Variants in KCTD19 observed in about 807,000 individuals in gnomAD.
KCTD19 encodes potassium channel tetramerization domain containing 19, also known as BTB/POZ domain-containing protein KCTD19.
KCTD19 carries 67 observed loss-of-function variants against 103.5 expected under a neutral mutation model. That is an observed-to-expected ratio of 0.65 (90% CI 0.53 to 0.79). The LOEUF (loss-of-function observed/expected upper bound fraction) is 0.79. KCTD19 is among the 30% of genes least tolerant of loss of function. The pLI, the probability that KCTD19 is intolerant of heterozygous loss-of-function variation, is 0.00. For missense variants in KCTD19, 980 were observed against 1,136.1 expected (o/e 0.86, Z 1.98); for synonymous variants, 439 against 452.2 (o/e 0.97, Z 0.37).
chr16:67,308,201 C>T (rs192584838), intron 2 of KCTD19, among the ~76,000 whole-genome samples: 3 of 144,950 alleles, frequency 2.1e-5, no homozygotes, highest in South Asian at 2.2e-4. Flanking sequence ...CTTGCTGTGT[C>T]GCCCAAGCTG....
chr16:67,326,679 C>T (rs1459345053), intron 1 of KCTD19, 26 bp downstream of exon 1: 4 of 1,578,116 alleles, frequency 2.5e-6, no homozygotes, highest in African/African-American at 1.4e-5. Context: ...GTGCTTTTGG[C>T]GCCCCCGCCA....
intron 2 of KCTD19, among the ~76,000 whole-genome samples, chr16:67,314,816 TATATATATATATATAGAGAGAGAGAGAG>T (rs2036986749): frequency 1.9e-5 from 2 of 103,758 alleles, no homozygotes; most frequent in Non-Finnish European, 3.6e-5. Context: ...TATATATATA[TATATATATATATATAGAGAGAGAGAGAG>T]AGAGAGAGAG....
chr16:67,304,097 A>T (rs2036865555), intron 3 of KCTD19, among the ~76,000 whole-genome samples: 2 of 152,182 alleles, frequency 1.3e-5, no homozygotes, highest in Admixed American at 1.3e-4. Context: ...GACAGTGATT[A>T]TTTAGGGACA....
At chr16:67,311,378 C>T (rs1031737268) in intron 2 of KCTD19, among the ~76,000 whole-genome samples, 2 of 152,056 alleles carry the variant, frequency 1.3e-5, no homozygotes, top group African/African-American at 4.8e-5. Context: ...CCTTGTCTCA[C>T]TGCAACCTCC....
intron 2 of KCTD19, among the ~76,000 whole-genome samples, chr16:67,319,787 CTT>C (rs973963129): frequency 2.0e-5 from 3 of 149,886 alleles, no homozygotes; most frequent in African/African-American, 7.3e-5. Flanking sequence ...TTTTCTCTCT[CTT>C]GACATTTGGC....
At chr16:67,291,233 C>T in intron 14 of KCTD19, 76 bp downstream of exon 14, 1 of 1,537,140 alleles carries the variant, frequency 6.5e-7, no homozygotes, top group South Asian at 1.2e-5. Context: ...TCTTGCCTTG[C>T]ACCACTTATT....
At chr16:67,304,944 G>A (rs537072213) in intron 2 of KCTD19, among the ~76,000 whole-genome samples, 3 of 152,066 alleles carry the variant, frequency 2.0e-5, no homozygotes, top group Non-Finnish European at 2.9e-5. Context: ...TTGAGATTAC[G>A]GGCATGAACC....
intron 4 of KCTD19, 110 bp from the exon 5 acceptor site, chr16:67,302,032 G>T: frequency 2.0e-6 from 2 of 984,440 alleles, no homozygotes; most frequent in Non-Finnish European, 3.1e-6. Context: ...GGTTCTCCTT[G>T]TTCTGAAACA....
In KCTD19 at chr16:67,299,545, G is replaced by T. The variant is rs1419408325; in HGVS notation, c.804C>A (p.Pro268=). The T allele has an allele frequency of 3.1e-6, 5 of 1,613,608 alleles. No individual in the cohort carries two copies. Among genetic ancestry groups the T allele is most frequent in the Non-Finnish European group, 4.2e-6 (5 of 1,179,968 alleles). The part of the protein sequence containing the change: ...MGGCSPTTCS[P]LSPGKGARTA... ...TGCGGGCCCCCTTCCCGGGGCTCAG[G>T]GGAGAACAGGTGGTCGGGGAACAGC... is the stretch of plus-strand genomic sequence containing the variant. The change falls in exon 6 of 16, where the codon CCC becomes CCA. Residue 268 remains proline (P), a synonymous_variant. Transcript: ENST00000304372.
At chr16:67,312,707 G>A (rs534582074) in intron 2 of KCTD19, among the ~76,000 whole-genome samples, 1 of 152,282 alleles carries the variant, frequency 6.6e-6, no homozygotes, top group South Asian at 2.1e-4. Context: ...GCTCAGGAGA[G>A]AAACAAAGGA....
chr16:67,318,804 G>A (rs1368002192), intron 2 of KCTD19, among the ~76,000 whole-genome samples: 1 of 151,864 alleles, frequency 6.6e-6, no homozygotes, highest in Non-Finnish European at 1.5e-5. Flanking sequence ...GGCCATTTAA[G>A]TGGTTTTGAA....
intron 7 of KCTD19, among the ~76,000 whole-genome samples, 161 bp downstream of exon 7, chr16:67,297,315 GTGGGCTTGGAGGTGAGGAGGGAGCACT>G (rs2036775944): frequency 6.6e-6 from 1 of 152,168 alleles, no homozygotes; most frequent in African/African-American, 2.4e-5. Flanking sequence ...GAGACGAATT[GTGGGCTTGGAGGTGAGGAGGGAGCACT>G]TAATATGAAA....
At chr16:67,297,482 C>T in intron 7 of KCTD19, 21 bp downstream of exon 7, 3 of 1,612,820 alleles carry the variant, frequency 1.9e-6, no homozygotes, top group Non-Finnish European at 2.5e-6. Flanking sequence ...TAAATTCAAA[C>T]CTAGAAGCTT....
At chr16:67,296,434 G>A (rs2036766043) in intron 7 of KCTD19, among the ~76,000 whole-genome samples, 175 bp from the exon 8 acceptor site, 1 of 152,128 alleles carries the variant, frequency 6.6e-6, no homozygotes, top group African/African-American at 2.4e-5. Flanking sequence ...CTTGCTGCAA[G>A]GTTTCCTGGG....
chr16:67,315,901 A>T (rs1487150411), intron 2 of KCTD19, among the ~76,000 whole-genome samples: 1 of 152,138 alleles, frequency 6.6e-6, no homozygotes, highest in Non-Finnish European at 1.5e-5. Flanking sequence ...GGTGTGAGCC[A>T]CCGCGTCTGG....
chr16:67,296,109 C>T (rs2142504101), intron 8 of KCTD19, 50 bp downstream of exon 8: 1 of 1,073,956 alleles, frequency 9.3e-7, no homozygotes, highest in Non-Finnish European at 1.5e-6. Flanking sequence ...CCCAGAGCAG[C>T]TCAGGTGGTG....
intron 15 of KCTD19, among the ~76,000 whole-genome samples, chr16:67,290,414 A>G (rs2036671126): frequency 1.3e-5 from 2 of 151,922 alleles, no homozygotes; most frequent in South Asian, 4.1e-4. Context: ...TCCTGACCTC[A>G]TGATCCACCC....
At chr16:67,304,794 G>A (rs2036874664) in intron 2 of KCTD19, among the ~76,000 whole-genome samples, 1 of 151,908 alleles carries the variant, frequency 6.6e-6, no homozygotes, top group Non-Finnish European at 1.5e-5. Flanking sequence ...CTCTCGAGTA[G>A]CTGGGATTAC....
Position 67,320,733 on chromosome 16 carries a change from C to G in KCTD19, c.156G>C (p.Gln52His), listed in dbSNP as rs2037063501. ...EASALTSSES[Q>H]RLFIDRDGST... is the part of the protein sequence containing the mutation. Reference sequence around the variant, plus strand: ...AACCATCTCTGTCGATAAATAGCCTCTGGCTTTCTGAAGAGGTCAAGGCTG... The same window carrying G: ...AACCATCTCTGTCGATAAATAGCCTGTGGCTTTCTGAAGAGGTCAAGGCTG... The change falls in exon 2 of 16, where the codon CAG becomes CAC. Residue 52 changes from glutamine to histidine, a missense_variant. Transcript: ENST00000304372. This position sits in a 1 kb window ranked among gnomAD's most constrained non-coding sequence, Gnocchi z 4.0. The G allele has an allele frequency of 3.1e-6, 5 of 1,614,184 alleles. No homozygotes were observed. The highest frequency in any genetic ancestry group is 2.7e-5 in the African/African-American group (2 of 75,046).
Sources: allele counts gnomAD v4.1 joint callset (sites outside exome capture counted in the v4.1 genomes callset), GRCh38; gene constraint gnomAD v4.1.1; non-coding constraint Gnocchi (gnomAD v3.1); transcripts MANE v1.5; gene names NCBI Gene and HGNC (gene_info 2026-07-23, HGNC 2026-07-21).